The following UNC5D variants were observed in gnomAD, a reference collection of about 807,000 sequenced individuals.
UNC5D encodes unc-5 netrin receptor D.
UNC5D carries 39 observed loss-of-function variants against 105.4 expected under a neutral mutation model. That is an observed-to-expected ratio of 0.37 (90% CI 0.29 to 0.48). The LOEUF is 0.48. UNC5D is among the 20% of genes least tolerant of loss of function. The pLI, the probability that UNC5D is intolerant of heterozygous loss-of-function variation, is 0.98. For missense variants in UNC5D, 991 were observed against 1,202.4 expected, an observed-to-expected ratio of 0.82 and a Z score of 2.60; for synonymous variants, 452 against 450.4, an observed-to-expected ratio of 1.00 and a Z score of -0.04.
chr8:35,784,536 C>T (rs986740596), intron 16 of UNC5D, among the ~76,000 whole-genome samples: 1 of 152,022 alleles, frequency 6.6e-6, no homozygotes, highest in Non-Finnish European at 1.5e-5. Flanking sequence ...TTACTGGAGG[C>T]CAGGAGTTCG....
intron 1 of UNC5D, among the ~76,000 whole-genome samples, chr8:35,498,279 G>A (rs933543436): frequency 6.6e-6 from 1 of 151,770 alleles, no homozygotes; most frequent in African/African-American, 2.4e-5. Flanking sequence ...GAGCTGTGTT[G>A]CTTGGAGTAG....
chr8:35,544,308 G>T, intron 1 of UNC5D: 3 of 1,403,952 alleles, frequency 2.1e-6, no homozygotes, highest in Non-Finnish European at 2.9e-6. Context: ...AGCTTGGAGT[G>T]CTGGCTTTGT....
chr8:35,609,901 T>C (rs542679996), intron 4 of UNC5D, among the ~76,000 whole-genome samples: 2 of 152,294 alleles, frequency 1.3e-5, no homozygotes, highest in East Asian at 1.9e-4. Flanking sequence ...ACTTGACACA[T>C]TGAAAGTCAC....
intron 1 of UNC5D, among the ~76,000 whole-genome samples, chr8:35,283,099 A>G (rs1046709959): frequency 2.0e-5 from 3 of 152,174 alleles, no homozygotes; most frequent in African/African-American, 7.2e-5. Flanking sequence ...ATTTGGGGGT[A>G]GTTTTCATTC....
rs540962922 is a variant in UNC5D at position 35,454,056 on chromosome 8, C to G, written c.104-95236C>G. On this transcript the variant is annotated intron_variant, in intron 1 of 16. Transcript: ENST00000404895. The stretch of plus-strand genomic sequence containing the variant: ...ATGGCAAATTCAGTTACCCATTATA[C>G]TTTGATCTTGGAGTCCTGGTTTTGT... Among the ~76,000 whole-genome samples, 12 of 152,290 alleles carry G rather than the reference C, an allele frequency of 7.9e-5. 1 individual carries two copies. Among genetic ancestry groups the G allele is most frequent in the African/African-American group, 2.9e-4 (12 of 41,558 alleles).
chr8:35,504,876 G>A (rs781523804), intron 1 of UNC5D, among the ~76,000 whole-genome samples: 4 of 152,112 alleles, frequency 2.6e-5, no homozygotes, highest in Non-Finnish European at 4.4e-5. Context: ...ATGGCTCCCT[G>A]TGTCCACGTT....
rs1803028954 is a variant in UNC5D at position 35,791,258 on chromosome 8, T to C, written c.*695T>C. 1 of 153,256 alleles carries C rather than the reference T, an allele frequency of 6.5e-6. No individual in the cohort carries two copies. Among genetic ancestry groups the C allele is most frequent in the Non-Finnish European group, 1.5e-5 (1 of 68,590 alleles). The allele number at this position is 153,256 out of a possible 1,614,324, so 9.5% of individuals were successfully genotyped here. Reference sequence around the variant, plus strand: ...ACCCTTATTCTTTCTTCCTCTTCCTTACCCCTTGCAGTAGGGAGGTATCAA... The same window carrying C: ...ACCCTTATTCTTTCTTCCTCTTCCTCACCCCTTGCAGTAGGGAGGTATCAA... On this transcript the variant is annotated 3_prime_UTR_variant, in exon 17 of 17. Transcript: ENST00000404895.
chr8:35,311,171 A>G (rs974275679), intron 1 of UNC5D, among the ~76,000 whole-genome samples: 2 of 152,184 alleles, frequency 1.3e-5, no homozygotes, highest in East Asian at 1.9e-4. Context: ...ACATGGCATA[A>G]GAGTTGCGTA....
intron 3 of UNC5D, among the ~76,000 whole-genome samples, chr8:35,586,208 C>T (rs761297334): frequency 3.3e-5 from 5 of 152,020 alleles, no homozygotes; most frequent in South Asian, 2.1e-4. Context: ...CGGGAAACAG[C>T]GGTTACAGTG....
chr8:35,339,576 G>A (rs999154590), intron 1 of UNC5D, among the ~76,000 whole-genome samples: 2 of 152,200 alleles, frequency 1.3e-5, no homozygotes, highest in Non-Finnish European at 2.9e-5. Flanking sequence ...GTGGAAACAC[G>A]GATGTGTGTT....
intron 8 of UNC5D, among the ~76,000 whole-genome samples, chr8:35,706,619 G>A (rs1827593310): frequency 6.6e-6 from 1 of 152,066 alleles, no homozygotes; most frequent in African/African-American, 2.4e-5. Context: ...CTGTATCAAG[G>A]CTATTGGAAT....
chr8:35,583,695 G>A (rs1818597996), intron 3 of UNC5D, among the ~76,000 whole-genome samples: 1 of 152,062 alleles, frequency 6.6e-6, no homozygotes, highest in African/African-American at 2.4e-5. Flanking sequence ...TTTTCCCTTG[G>A]TTTAATGCCT....
chr8:35,503,618 T>C (rs1195673501), intron 1 of UNC5D, among the ~76,000 whole-genome samples: 1 of 152,220 alleles, frequency 6.6e-6, no homozygotes, highest in African/African-American at 2.4e-5. Context: ...CACTCTGTTT[T>C]ATTCACATTC....
At chr8:35,307,825 T>C (rs1388167417) in intron 1 of UNC5D, among the ~76,000 whole-genome samples, 1 of 152,086 alleles carries the variant, frequency 6.6e-6, no homozygotes, top group Non-Finnish European at 1.5e-5. Flanking sequence ...ACAGTTAATA[T>C]TGATTCAATG....
intron 1 of UNC5D, among the ~76,000 whole-genome samples, chr8:35,369,968 T>C (rs1480346329): frequency 6.6e-6 from 1 of 152,216 alleles, no homozygotes; most frequent in Non-Finnish European, 1.5e-5. Flanking sequence ...CCTTCCTGCA[T>C]TTTTTCTTTC....
intron 1 of UNC5D, among the ~76,000 whole-genome samples, chr8:35,289,953 G>GAAAAAT (rs1183346162): frequency 6.6e-6 from 1 of 151,700 alleles, no homozygotes; most frequent in Non-Finnish European, 1.5e-5. Context: ...AACAAAAAAT[G>GAAAAAT]AAAAATAAAA....
chr8:35,472,367 T>TAGA (rs1353128729), intron 1 of UNC5D, among the ~76,000 whole-genome samples: 1 of 151,806 alleles, frequency 6.6e-6, no homozygotes, highest in Non-Finnish European at 1.5e-5. Context: ...ACAGGATGAG[T>TAGA]AGAAACTTGA....
chr8:35,479,536 C>T (rs1398785097), intron 1 of UNC5D, among the ~76,000 whole-genome samples: 2 of 152,094 alleles, frequency 1.3e-5, no homozygotes, highest in African/African-American at 4.8e-5. Flanking sequence ...ATGGGATCAA[C>T]CAAGATGCCC....
chr8:35,738,253 G>T (rs755863652), intron 11 of UNC5D, among the ~76,000 whole-genome samples: 1 of 152,072 alleles, frequency 6.6e-6, no homozygotes, highest in Non-Finnish European at 1.5e-5. Flanking sequence ...CTTTCTCTAG[G>T]CCTCAGTTTT....
Sources: allele counts gnomAD v4.1 joint callset (sites outside exome capture counted in the v4.1 genomes callset), GRCh38; gene constraint gnomAD v4.1.1; transcripts MANE v1.5; gene names NCBI Gene and HGNC (gene_info 2026-07-23, HGNC 2026-07-21).